ATL1: variants seen among roughly 807,000 people sequenced by gnomAD.
ATL1 encodes the protein atlastin GTPase 1, also known as atlastin-1.
A neutral mutation model predicts 75.5 loss-of-function variants in ATL1; 31 were observed. The ratio of observed to expected loss-of-function variants is 0.41; its 90% CI spans 0.31 to 0.55. The LOEUF is 0.55. ATL1 is among the 20% of genes least tolerant of loss of function. The pLI, the probability that ATL1 is intolerant of heterozygous loss-of-function variation, is 0.27. For synonymous variants in ATL1, 226 were observed against 233.3 expected, an observed-to-expected ratio of 0.97 and a Z score of 0.28; for missense variants, 405 against 662.6, an observed-to-expected ratio of 0.61 and a Z score of 4.27.
intron 1 of ATL1, among the ~76,000 whole-genome samples, chr14:50,547,671 T>C (rs934810399): frequency 6.6e-6 from 1 of 152,208 alleles, no homozygotes; most frequent in Non-Finnish European, 1.5e-5. Context: ...TGGAAAATGA[T>C]GGTAGACTAC....
At chr14:50,628,714 T>G in intron 12 of ATL1, 1 of 544,416 alleles carries the variant, frequency 1.8e-6, no homozygotes, top group Non-Finnish European at 3.4e-6. Context: ...GTATATATAC[T>G]TTTTTTTCTT....
rs140047768 is a variant in ATL1 at position 50,615,058 on chromosome 14, G to C, written c.862+547G>C. On this transcript the variant is annotated intron_variant, in intron 8 of 13. Coordinates refer to ENST00000358385, the MANE Select transcript of ATL1 (RefSeq NM_015915.5). Reference sequence around the variant, plus strand: ...GTGTATACTTATAGGATGTAATTATGTCTTTAATAGAGGACTGATTGTTAC... The same window carrying C: ...GTGTATACTTATAGGATGTAATTATCTCTTTAATAGAGGACTGATTGTTAC... Among the ~76,000 whole-genome samples, 8 of 152,280 alleles carry C rather than the reference G, an allele frequency of 5.3e-5. No homozygotes were observed. In the East Asian group the frequency reaches 1.5e-3, roughly 29 times the overall value.
At chr14:50,605,261 A>T (rs2039306496) in intron 6 of ATL1, among the ~76,000 whole-genome samples, 1 of 151,770 alleles carries the variant, frequency 6.6e-6, no homozygotes, top group East Asian at 1.9e-4. Flanking sequence ...TCTGCCTGCA[A>T]TATCCATAGA....
chr14:50,592,141 T>A (rs573475979), intron 4 of ATL1, among the ~76,000 whole-genome samples: 9 of 152,322 alleles, frequency 5.9e-5, no homozygotes, highest in Admixed American at 6.5e-5. Flanking sequence ...TTTCCTTTCC[T>A]TTTTTCTTTC....
At chr14:50,571,796 AT>A (rs1411129201) in intron 1 of ATL1, 2 of 160,898 alleles carry the variant, frequency 1.2e-5, no homozygotes, top group Non-Finnish European at 2.7e-5. Flanking sequence ...ACAAAAGTTT[AT>A]TTAACAAAAA....
intron 1 of ATL1, among the ~76,000 whole-genome samples, chr14:50,549,635 T>C (rs2038676863): frequency 6.6e-6 from 1 of 152,178 alleles, no homozygotes. Flanking sequence ...ATATATGGCA[T>C]GCTACGAAGA....
intron 1 of ATL1, among the ~76,000 whole-genome samples, chr14:50,586,443 T>G (rs568792994): frequency 6.6e-6 from 1 of 152,268 alleles, no homozygotes; most frequent in Non-Finnish European, 1.5e-5. Context: ...CTTAATTTTC[T>G]TATAAGGGAA....
At chr14:50,629,542 C>T (rs1346821690) in intron 12 of ATL1, among the ~76,000 whole-genome samples, 1 of 146,364 alleles carries the variant, frequency 6.8e-6, no homozygotes, top group East Asian at 2.0e-4. Context: ...GATGGCACCA[C>T]AGCACTCCAG....
intron 10 of ATL1, among the ~76,000 whole-genome samples, chr14:50,622,349 T>C (rs1035678311): frequency 6.6e-5 from 10 of 151,234 alleles, no homozygotes; most frequent in African/African-American, 2.4e-4. Flanking sequence ...GGCAACATAG[T>C]GAGACCTCAT....
chr14:50,573,873 CT>C (rs1418561475), intron 1 of ATL1, among the ~76,000 whole-genome samples: 1 of 152,054 alleles, frequency 6.6e-6, no homozygotes, highest in African/African-American at 2.4e-5. Context: ...TAAGTTTAAC[CT>C]TTTATTTTTA....
intron 1 of ATL1, among the ~76,000 whole-genome samples, chr14:50,569,197 A>G (rs537646902): frequency 9.6e-4 from 146 of 152,110 alleles, no homozygotes; most frequent in Non-Finnish European, 1.0e-3. Flanking sequence ...TCCACAAAAA[A>G]AAAAATGCAA....
chr14:50,588,897 A>G (rs1388761950), intron 2 of ATL1, among the ~76,000 whole-genome samples: 1 of 152,196 alleles, frequency 6.6e-6, no homozygotes, highest in African/African-American at 2.4e-5. Flanking sequence ...TGAAGTATGC[A>G]TCCCAAGACA....
intron 1 of ATL1, among the ~76,000 whole-genome samples, chr14:50,569,844 T>C (rs900463080): frequency 1.3e-5 from 2 of 152,210 alleles, no homozygotes; most frequent in Non-Finnish European, 2.9e-5. Context: ...AGGTTTTTTT[T>C]CTTTCAGCAC....
intron 11 of ATL1, 111 bp downstream of exon 11, chr14:50,623,359 T>C (rs575149202): frequency 2.4e-6 from 2 of 848,704 alleles, no homozygotes; most frequent in African/African-American, 1.7e-5. Flanking sequence ...TGAGGTGGCT[T>C]TGACTTTTTC....
At chr14:50,571,897 C>T in intron 1 of ATL1, 1 of 206,534 alleles carries the variant, frequency 4.8e-6, no homozygotes, top group Non-Finnish European at 9.7e-6. Context: ...GATTTCTCTG[C>T]TGAATGGTCA....
intron 4 of ATL1, among the ~76,000 whole-genome samples, chr14:50,593,558 GTT>G (rs1180430818): frequency 6.6e-6 from 1 of 152,228 alleles, no homozygotes; most frequent in South Asian, 2.1e-4. Context: ...GGAAGAATGA[GTT>G]TTTTTGACTA....
intron 10 of ATL1, among the ~76,000 whole-genome samples, chr14:50,622,250 C>CA (rs1236562351): frequency 3.3e-5 from 5 of 152,144 alleles, no homozygotes; most frequent in African/African-American, 1.2e-4. Flanking sequence ...TAAAATGAGC[C>CA]AGGCACGGTG....
At chr14:50,556,921 C>CT (rs1566712332), upstream of ATL1, among the ~76,000 whole-genome samples, 1 of 152,060 alleles carries the variant, frequency 6.6e-6, no homozygotes, top group Non-Finnish European at 1.5e-5. Context: ...TTGTTTCCAC[C>CT]TTTTGGCTAT....
At chr14:50,618,893 T>TATA (rs1566732469) in intron 8 of ATL1, among the ~76,000 whole-genome samples, 2 of 144,792 alleles carry the variant, frequency 1.4e-5, no homozygotes, top group African/African-American at 5.4e-5. Context: ...ATATATATAT[T>TATA]TTTTTTTCTT....
Sources: allele counts gnomAD v4.1 joint callset (sites outside exome capture counted in the v4.1 genomes callset), GRCh38; gene constraint gnomAD v4.1.1; transcripts MANE v1.5; gene names NCBI Gene and HGNC (gene_info 2026-07-23, HGNC 2026-07-21).